ARHGAP39: variants seen among roughly 807,000 people sequenced by gnomAD.
ARHGAP39 encodes Rho GTPase activating protein 39.
ARHGAP39 carries 44 observed loss-of-function variants against 106.9 expected under a neutral mutation model. That is an observed-to-expected ratio of 0.41 (90% CI 0.32 to 0.53). The LOEUF (loss-of-function observed/expected upper bound fraction) is 0.53, where lower values mean the gene tolerates loss of function less well. Among genes scored for constraint, ARHGAP39 ranks in the 20% least tolerant of loss-of-function variants. The pLI is 0.21. For synonymous variants in ARHGAP39, 768 were observed against 693.2 expected (o/e 1.11, Z -1.69); for missense variants, 1,496 against 1,577.3 (o/e 0.95, Z 0.87).
At chr8:144,557,798 G>GA (rs1395016098) in intron 3 of ARHGAP39, among the ~76,000 whole-genome samples, 1 of 152,176 alleles carries the variant, frequency 6.6e-6, no homozygotes, top group Non-Finnish European at 1.5e-5. Context: ...GCAAAAGGCT[G>GA]AAAGCATACC....
intron 6 of ARHGAP39, among the ~76,000 whole-genome samples, chr8:144,538,967 G>A (rs547686633): frequency 2.4e-5 from 3 of 124,128 alleles, no homozygotes; most frequent in South Asian, 3.3e-4. Flanking sequence ...AACTCCTTCC[G>A]CTGGCCCCTG....
chr8:144,612,030 G>T (rs541232840), intron 1 of ARHGAP39, among the ~76,000 whole-genome samples: 2 of 151,878 alleles, frequency 1.3e-5, no homozygotes, highest in Admixed American at 1.3e-4. Flanking sequence ...AAAAAAAGGA[G>T]GATGAGGCCA....
At chr8:144,652,250 A>T (rs1216542644) in intron 1 of ARHGAP39, among the ~76,000 whole-genome samples, 1 of 152,070 alleles carries the variant, frequency 6.6e-6, no homozygotes, top group Non-Finnish European at 1.5e-5. Flanking sequence ...TAATAAAAAT[A>T]AAAAAGTAAA....
At chr8:144,592,139 C>T (rs528316258) in intron 2 of ARHGAP39, among the ~76,000 whole-genome samples, 1 of 152,332 alleles carries the variant, frequency 6.6e-6, no homozygotes, top group South Asian at 2.1e-4. Context: ...ATAATTCTCT[C>T]AACAAAGAAT....
At chr8:144,655,617 G>A (rs1349278864) in intron 1 of ARHGAP39, among the ~76,000 whole-genome samples, 1 of 152,070 alleles carries the variant, frequency 6.6e-6, no homozygotes, top group Non-Finnish European at 1.5e-5. Flanking sequence ...ACGACAGGAC[G>A]ACCTGCCTAC....
rs2130900216 is a variant in ARHGAP39 at position 144,580,970 on chromosome 8, C to T, written c.388G>A (p.Val130Ile). The change falls in exon 3 of 12, where the codon GTC (valine) becomes ATC (isoleucine). Residue 130 changes from valine (V) to isoleucine (I), a missense_variant. By Grantham distance (29) the Val-to-Ile change is conservative (BLOSUM62 3). Transcript: ENST00000377307. ...AESSPGRGSSVSREGSTSSSL... is the reference protein window; with the variant it reads ...AESSPGRGSSISREGSTSSSL... ...GAGCTGGTGCTGCCCTCACGGCTGA[C>T]GCTGCTGCCGCGCCCGGGGCTGCTC... 2 of 1,600,272 alleles carry T rather than the reference C, an allele frequency of 1.2e-6. No homozygotes were observed. The highest frequency in any genetic ancestry group is 2.3e-5 in the East Asian group (1 of 44,260).
chr8:144,620,672 A>T (rs1212123691), intron 1 of ARHGAP39, among the ~76,000 whole-genome samples: 4 of 152,030 alleles, frequency 2.6e-5, no homozygotes, highest in Non-Finnish European at 5.9e-5. Context: ...ATCCCTTGCA[A>T]GAGTGATGGC....
At chr8:144,566,833 T>G (rs1818414451) in intron 3 of ARHGAP39, among the ~76,000 whole-genome samples, 1 of 146,942 alleles carries the variant, frequency 6.8e-6, no homozygotes, top group African/African-American at 2.5e-5. Flanking sequence ...CCAGCCTAGG[T>G]GACATAGTGA....
intron 1 of ARHGAP39, among the ~76,000 whole-genome samples, chr8:144,678,918 A>G (rs1357814471): frequency 6.6e-6 from 1 of 152,152 alleles, no homozygotes. Context: ...AGCGTAGTGC[A>G]GGAGGGACAT....
intron 3 of ARHGAP39, among the ~76,000 whole-genome samples, chr8:144,563,752 C>A (rs1818290954): frequency 6.6e-6 from 1 of 151,888 alleles, no homozygotes; most frequent in South Asian, 2.1e-4. Flanking sequence ...GATCACACCA[C>A]TGCATTCTAG....
rs555560954 is a variant in ARHGAP39, at chr8:144,602,431, GTGCA to G, written c.80+3100_80+3103del. Among the ~76,000 whole-genome samples the G allele has an allele frequency of 4.5e-3, 665 of 147,508 alleles. 5 individuals carry two copies. Among genetic ancestry groups the G allele is most frequent in the Non-Finnish European group, 8.0e-3 (533 of 67,032 alleles). On this transcript the variant is annotated intron_variant, in intron 2 of 11. Coordinates refer to ENST00000377307, the MANE Select transcript of ARHGAP39 (RefSeq NM_025251.3). ...TGTGTGTGCTTGTGTACCTGTGTGT[GTGCA>G]TGGAGTTGTGCGTGCGAGCTCGTGT...
rs1384288977 is a variant in ARHGAP39, at chr8:144,530,512, G to A, written c.3255C>T (p.Arg1085=). The A allele has an allele frequency of 6.2e-7, 1 of 1,611,978 alleles. No individual in the cohort carries two copies. The highest frequency in any genetic ancestry group is 1.3e-5 in the African/African-American group (1 of 74,910). The change falls in exon 12 of 12, where the codon CGC becomes CGT. Residue 1085 remains arginine, a synonymous_variant. Coordinates refer to ENST00000377307, the MANE Select transcript of ARHGAP39 (RefSeq NM_025251.3). The part of the protein sequence containing the change: ...NCLRCQSDDP[R]VIFENTRKEM... Reference sequence around the variant, plus strand: ...CCTTGCGGGTGTTCTCGAAGATGACGCGCGGGTCGTCGGACTGGCAGCGCA... The same window carrying A: ...CCTTGCGGGTGTTCTCGAAGATGACACGCGGGTCGTCGGACTGGCAGCGCA...
rs983703411 is a variant in ARHGAP39, at chr8:144,670,742, G to A, written c.-82+14944C>T. Reference sequence around the variant, plus strand: ...TGAGCTCCTCATCTAAATGAAGCATGCTAGATTTGCTGTCACAGCCTCATC... The same window carrying A: ...TGAGCTCCTCATCTAAATGAAGCATACTAGATTTGCTGTCACAGCCTCATC... On this transcript the variant is annotated intron_variant, in intron 1 of 11. Coordinates refer to ENST00000377307, the MANE Select transcript of ARHGAP39 (RefSeq NM_025251.3). This position sits in a 1 kb window ranked among gnomAD's most constrained non-coding sequence, Gnocchi z 4.4. Among the ~76,000 whole-genome samples the A allele has an allele frequency of 3.3e-5, 5 of 152,106 alleles. No homozygotes were observed. Among genetic ancestry groups the A allele is most frequent in the South Asian group, 4.1e-4 (2 of 4,828 alleles).
chr8:144,602,014 G>T (rs923282675), intron 2 of ARHGAP39, among the ~76,000 whole-genome samples: 1 of 135,660 alleles, frequency 7.4e-6, no homozygotes, highest in Non-Finnish European at 1.5e-5. Flanking sequence ...TGTGTGCATG[G>T]AGGCGTGTGT....
rs1418905940 is a variant in ARHGAP39, at chr8:144,679,533, G to A, written c.-82+6153C>T. Among the ~76,000 whole-genome samples, 2 of 152,208 alleles carry A rather than the reference G, an allele frequency of 1.3e-5. No homozygotes were observed. The highest frequency in any genetic ancestry group is 4.8e-5 in the African/African-American group (2 of 41,464). ...AGTGCTGGGGTTGCTACTGCAACTC[G>A]CTCTGGAGAAAGCTGTCCAGTAAAC... On this transcript the variant is annotated intron_variant, in intron 1 of 11. Transcript: ENST00000377307. This position sits in a 1 kb window ranked among gnomAD's most constrained non-coding sequence, Gnocchi z 4.7.
chr8:144,618,294 G>A (rs940955253), intron 1 of ARHGAP39, among the ~76,000 whole-genome samples: 4 of 152,182 alleles, frequency 2.6e-5, no homozygotes, highest in Admixed American at 6.5e-5. Flanking sequence ...GAAAGGGCAG[G>A]GCTGGTGCTG....
chr8:144,606,287 G>A (rs1012398253), intron 1 of ARHGAP39, among the ~76,000 whole-genome samples: 2 of 152,182 alleles, frequency 1.3e-5, no homozygotes, highest in African/African-American at 2.4e-5. Flanking sequence ...TCTGAGCCAG[G>A]AGGGCCACAT....
chr8:144,634,893 G>C (rs1821137997), intron 1 of ARHGAP39, among the ~76,000 whole-genome samples: 1 of 151,712 alleles, frequency 6.6e-6, no homozygotes, highest in Admixed American at 6.6e-5. Flanking sequence ...GGGAACTCCA[G>C]GCCCTGTGCG....
intron 7 of ARHGAP39, among the ~76,000 whole-genome samples, chr8:144,536,806 G>A (rs1218846271): frequency 6.6e-6 from 1 of 152,238 alleles, no homozygotes; most frequent in African/African-American, 2.4e-5. Flanking sequence ...GCTGGTCCCA[G>A]AGTTGGCCCT....
Sources: allele counts gnomAD v4.1 joint callset (sites outside exome capture counted in the v4.1 genomes callset), GRCh38; gene constraint gnomAD v4.1.1; non-coding constraint Gnocchi (gnomAD v3.1); transcripts MANE v1.5; gene names NCBI Gene and HGNC (gene_info 2026-07-23, HGNC 2026-07-21).